The following UBE2R2 variants were observed in gnomAD, a reference collection of about 807,000 sequenced individuals.
UBE2R2 encodes the protein ubiquitin-conjugating enzyme E2 R2.
A neutral mutation model predicts 27.8 loss-of-function variants in UBE2R2; 1 was observed. The observed-to-expected ratio is 0.04, with a 90% CI of 0.01 to 0.17. The LOEUF (loss-of-function observed/expected upper bound fraction) is 0.17, where lower values mean the gene tolerates loss of function less well. Ranked by LOEUF, UBE2R2 falls within the 10% of genes least tolerant of loss-of-function variation. The pLI is 1.00. For synonymous variants in UBE2R2, 106 were observed against 113.3 expected, an observed-to-expected ratio of 0.94 and a Z score of 0.41; for missense variants, 100 against 291.0, an observed-to-expected ratio of 0.34 and a Z score of 4.78.
At chr9:33,821,307 C>G (rs1376567735) in intron 1 of UBE2R2, among the ~76,000 whole-genome samples, 1 of 152,032 alleles carries the variant, frequency 6.6e-6, no homozygotes, top group Admixed American at 6.6e-5. Context: ...CATGACTACG[C>G]CCGGCTAATT....
chr9:33,826,957 C>T (rs1233731497), intron 1 of UBE2R2, among the ~76,000 whole-genome samples: 2 of 152,126 alleles, frequency 1.3e-5, no homozygotes, highest in African/African-American at 4.8e-5. Flanking sequence ...ATGTCGTGAA[C>T]CTGTAGTCCC....
Position 33,901,106 on chromosome 9 carries a change from C to A in UBE2R2, c.362+835C>A, listed in dbSNP as rs186459331. Among the ~76,000 whole-genome samples, 643 of 152,226 alleles carry A rather than the reference C, an allele frequency of 4.2e-3. 4 individuals carry two copies. The highest frequency in any genetic ancestry group is 6.4e-3 in the South Asian group (31 of 4,824). On this transcript the variant is annotated intron_variant, in intron 3 of 4. Transcript: ENST00000263228. ...AAGTAGCTGTGACTATAGGTGTATG[C>A]CACCATACCTAGCTATTAAGCAACT...
intron 2 of UBE2R2, among the ~76,000 whole-genome samples, chr9:33,897,916 C>T (rs1401779418): frequency 2.0e-5 from 3 of 151,424 alleles, no homozygotes; most frequent in African/African-American, 7.3e-5. Context: ...GCTAGGATTA[C>T]AGGCATGCAC....
chr9:33,893,307 G>A (rs773974743), intron 2 of UBE2R2, among the ~76,000 whole-genome samples: 4 of 152,040 alleles, frequency 2.6e-5, no homozygotes, highest in East Asian at 1.9e-4. Context: ...TATAAATAGC[G>A]TCATATAGTA....
intron 2 of UBE2R2, among the ~76,000 whole-genome samples, chr9:33,889,255 G>A (rs1821927632): frequency 2.0e-5 from 3 of 152,192 alleles, no homozygotes; most frequent in Non-Finnish European, 2.9e-5. Context: ...TCTGGAGGCT[G>A]GGAATTCCAA....
chr9:33,904,131 C>T (rs563149939), intron 3 of UBE2R2, among the ~76,000 whole-genome samples: 5 of 152,250 alleles, frequency 3.3e-5, no homozygotes, highest in Non-Finnish European at 7.4e-5. Context: ...GGAATACTTT[C>T]GCTTATCCCT....
intron 1 of UBE2R2, among the ~76,000 whole-genome samples, chr9:33,841,435 A>G (rs1820731128): frequency 6.6e-6 from 1 of 151,780 alleles, no homozygotes; most frequent in East Asian, 1.9e-4. Flanking sequence ...GACTTGGTCT[A>G]CTTCTTGTAG....
At chr9:33,865,307 C>T (rs974899309) in intron 1 of UBE2R2, among the ~76,000 whole-genome samples, 15 of 152,066 alleles carry the variant, frequency 9.9e-5, no homozygotes, top group African/African-American at 9.7e-5. Context: ...CTGGGTTCAG[C>T]GATTCTCCTG....
chr9:33,831,343 C>T (rs1463851490), intron 1 of UBE2R2, among the ~76,000 whole-genome samples: 1 of 152,066 alleles, frequency 6.6e-6, no homozygotes, highest in Non-Finnish European at 1.5e-5. Flanking sequence ...TGTAATCATA[C>T]CTGATATATG....
chr9:33,828,502 G>A (rs1219479931), intron 1 of UBE2R2, among the ~76,000 whole-genome samples: 1 of 150,586 alleles, frequency 6.6e-6, no homozygotes, highest in East Asian at 2.0e-4. Flanking sequence ...CAGTTCTGCT[G>A]CCTTAGCCTC....
At chr9:33,897,785 T>TC (rs1822151901) in intron 2 of UBE2R2, among the ~76,000 whole-genome samples, 1 of 150,292 alleles carries the variant, frequency 6.7e-6, no homozygotes, top group African/African-American at 2.4e-5. Flanking sequence ...CTTTTTTTTT[T>TC]TTTTTTTGAG....
chr9:33,862,096 A>G (rs1358170500), intron 1 of UBE2R2, among the ~76,000 whole-genome samples: 1 of 150,840 alleles, frequency 6.6e-6, no homozygotes, highest in Non-Finnish European at 1.5e-5. Context: ...CTCATGATTC[A>G]CCTGCCTCGG....
At chr9:33,833,539 A>G (rs1330116404) in intron 1 of UBE2R2, among the ~76,000 whole-genome samples, 1 of 152,234 alleles carries the variant, frequency 6.6e-6, no homozygotes, top group Non-Finnish European at 1.5e-5. Context: ...TTAACAATAA[A>G]AAATGTTCTA....
chr9:33,855,581 A>G (rs1056940544), intron 1 of UBE2R2, among the ~76,000 whole-genome samples: 6 of 152,222 alleles, frequency 3.9e-5, no homozygotes, highest in Non-Finnish European at 7.3e-5. Flanking sequence ...ATCCCCAGGC[A>G]ACACAAAATC....
chr9:33,897,887 T>C (rs1441706117), intron 2 of UBE2R2, among the ~76,000 whole-genome samples: 1 of 150,512 alleles, frequency 6.6e-6, no homozygotes, highest in Non-Finnish European at 1.5e-5. Flanking sequence ...GTGATTCTCC[T>C]GCCTCAGCCT....
chr9:33,828,291 G>T (rs1820360276), intron 1 of UBE2R2, among the ~76,000 whole-genome samples: 1 of 140,024 alleles, frequency 7.1e-6, no homozygotes, highest in Non-Finnish European at 1.5e-5. Flanking sequence ...AATAGAGCAA[G>T]ACTATTTCTC....
chr9:33,843,421 GGA>G (rs1820773788), intron 1 of UBE2R2, among the ~76,000 whole-genome samples: 1 of 151,590 alleles, frequency 6.6e-6, no homozygotes, highest in Non-Finnish European at 1.5e-5. Context: ...TAGAAAAAAA[GGA>G]AAATACATTC....
chr9:33,868,588 G>A (rs914338781), intron 1 of UBE2R2: 7 of 152,304 alleles, frequency 4.6e-5, no homozygotes, highest in African/African-American at 1.7e-4. Context: ...TGCATAACAA[G>A]GGCAGCACTG....
Position 33,850,786 on chromosome 9 carries a change from A to G in UBE2R2, c.177+32852A>G, listed in dbSNP as rs567575729. ...TACAATAAGGAACAATCAGTTCCCT[A>G]CTCTTCCCCATTATTCACTAGCAAC... On this transcript the variant is annotated intron_variant, in intron 1 of 4. Transcript: ENST00000263228. 2.6e-5 allele frequency among the ~76,000 whole-genome samples: 4 copies of G among 152,242 alleles called. No individual in the cohort carries two copies. The East Asian group carries it at 7.7e-4, about 29-fold the overall frequency.
Sources: gnomAD v4.1 joint callset for allele counts (sites outside exome capture counted in the v4.1 genomes callset) on GRCh38, gnomAD v4.1.1 for gene constraint, MANE v1.5 for transcripts, NCBI Gene and HGNC (gene_info 2026-07-23, HGNC 2026-07-21) for gene names.